The following C10orf90 variants were observed in gnomAD, a reference collection of about 807,000 sequenced individuals.
C10orf90 encodes chromosome 10 open reading frame 90, also known as (E2-independent) E3 ubiquitin-conjugating enzyme FATS.
C10orf90 carries 56 observed loss-of-function variants against 62.5 expected under a neutral mutation model. The ratio of observed to expected loss-of-function variants is 0.90; its 90% CI spans 0.72 to 1.12. The LOEUF is 1.12. Ranked by LOEUF, C10orf90 falls within the 50% of genes most tolerant of loss-of-function variation. The pLI is 0.00. For synonymous variants in C10orf90, 386 were observed against 340.4 expected (o/e 1.13, Z -1.47); for missense variants, 970 against 880.4 (o/e 1.10, Z -1.29).
chr10:126,586,880 T>A (rs1454223160), intron 2 of C10orf90, among the ~76,000 whole-genome samples: 4 of 152,094 alleles, frequency 2.6e-5, no homozygotes, highest in Non-Finnish European at 5.9e-5. Flanking sequence ...GGGATCTGAC[T>A]CAGTGGATGA....
At chr10:126,577,250 C>T (rs779534341) in intron 2 of C10orf90, among the ~76,000 whole-genome samples, 31 of 151,528 alleles carry the variant, frequency 2.0e-4, no homozygotes, top group Non-Finnish European at 3.5e-4. Flanking sequence ...TTACTATGTA[C>T]CCCATGAATA....
chr10:126,504,760 AC>A lies in C10orf90; in HGVS notation c.730del (p.Val244TrpfsTer61). The A allele has an allele frequency of 6.3e-7, 1 of 1,588,884 alleles. No individual in the cohort carries two copies. Among genetic ancestry groups the A allele is most frequent in the Non-Finnish European group, 8.6e-7 (1 of 1,167,134 alleles). On this transcript the variant is annotated frameshift_variant, in exon 4 of 10. Transcript: ENST00000488181. LOFTEE classifies it high-confidence loss of function. The surrounding 1 kb of genome is among the most constrained non-coding windows in gnomAD (Gnocchi z 4.1). ...CACCAGGGCGCGGGCTGGGGGGCCC[AC>A]GCGTCTGGCCGTGATGGTGATGGAT... is the stretch of plus-strand genomic sequence containing the variant. ...FASITITARR[V>X]GPPARALVWG...
intron 2 of C10orf90, among the ~76,000 whole-genome samples, chr10:126,580,154 G>T (rs1844716249): frequency 6.6e-6 from 1 of 152,152 alleles, no homozygotes; most frequent in Admixed American, 6.5e-5. Flanking sequence ...TAGTGAGAGG[G>T]GCATAGGGTC....
chr10:126,638,080 G>A (rs948581569), intron 2 of C10orf90, among the ~76,000 whole-genome samples: 2 of 152,304 alleles, frequency 1.3e-5, no homozygotes, highest in African/African-American at 2.4e-5. Context: ...CAGCGGTGTC[G>A]TTGCTGACAT....
chr10:126,571,833 C>A (rs893617664), intron 2 of C10orf90, among the ~76,000 whole-genome samples: 1 of 152,140 alleles, frequency 6.6e-6, no homozygotes, highest in Non-Finnish European at 1.5e-5. Flanking sequence ...CCACTGGCTA[C>A]CAAACCTCAA....
In C10orf90 at chr10:126,453,336, C is replaced by G. The variant is rs916990504; in HGVS notation, c.2188+5704G>C. 6.6e-6 allele frequency among the ~76,000 whole-genome samples: 1 copy of G among 152,164 alleles called. No individual in the cohort carries two copies. The highest frequency in any genetic ancestry group is 2.4e-5 in the African/African-American group (1 of 41,438). On this transcript the variant is annotated intron_variant, in intron 7 of 9. Coordinates refer to ENST00000488181, the MANE Select transcript of C10orf90 (RefSeq NM_001350921.2). The surrounding 1 kb of genome is among the most constrained non-coding windows in gnomAD (Gnocchi z 4.9). Reference sequence around the variant, plus strand: ...TAGAAGGTTTTCCAACACAACCACACAACCTTAAGCCAAAGTGAAGAAGGG... The same window carrying G: ...TAGAAGGTTTTCCAACACAACCACAGAACCTTAAGCCAAAGTGAAGAAGGG...
chr10:126,461,661 C>A, intron 5 of C10orf90, 76 bp from the exon 6 acceptor site: 1 of 1,395,344 alleles, frequency 7.2e-7, no homozygotes, highest in Non-Finnish European at 9.8e-7. Flanking sequence ...CCATTAGACA[C>A]AGAAGACAAT....
intron 2 of C10orf90, among the ~76,000 whole-genome samples, chr10:126,601,619 C>T (rs1009102889): frequency 1.3e-5 from 2 of 152,198 alleles, no homozygotes; most frequent in African/African-American, 2.4e-5. Flanking sequence ...ATTGATACAG[C>T]TTTTTAAATA....
chr10:126,638,253 G>A (rs1845992262), intron 2 of C10orf90, among the ~76,000 whole-genome samples: 1 of 152,100 alleles, frequency 6.6e-6, no homozygotes, highest in Non-Finnish European at 1.5e-5. Context: ...GGGACCTCAG[G>A]AGCTCTGGAT....
At chr10:126,602,440 G>T (rs1400501381) in intron 2 of C10orf90, among the ~76,000 whole-genome samples, 6 of 152,176 alleles carry the variant, frequency 3.9e-5, no homozygotes, top group African/African-American at 9.7e-5. Flanking sequence ...AACCCTCCAA[G>T]ATGACCTAGG....
intron 4 of C10orf90, among the ~76,000 whole-genome samples, chr10:126,491,453 T>C (rs1861768917): frequency 6.6e-6 from 1 of 152,002 alleles, no homozygotes; most frequent in Admixed American, 6.5e-5. Context: ...AAATAGCCAA[T>C]GTAAAAGGAA....
chr10:126,507,493 T>G (rs958051748), intron 3 of C10orf90, among the ~76,000 whole-genome samples: 3 of 149,062 alleles, frequency 2.0e-5, no homozygotes, highest in African/African-American at 7.5e-5. Context: ...CCATGGCTAC[T>G]TTTTTCCAAA....
At chr10:126,562,382 C>T (rs916761084) in intron 2 of C10orf90, among the ~76,000 whole-genome samples, 4 of 152,214 alleles carry the variant, frequency 2.6e-5, no homozygotes, top group Non-Finnish European at 5.9e-5. Flanking sequence ...CTTCTTCCCT[C>T]ACCAAGACGA....
Position 126,504,322 on chromosome 10 carries a change from T to C in C10orf90, c.1169A>G (p.Asn390Ser), listed in dbSNP as rs1170718327. 1 of 1,614,126 alleles carries C rather than the reference T, an allele frequency of 6.2e-7. No homozygotes were observed. Among genetic ancestry groups the C allele is most frequent in the East Asian group, 2.2e-5 (1 of 44,870 alleles). Reference protein sequence around the residue: ...PKMHRSVLSLNLNCSSHRLTA... With the variant: ...PKMHRSVLSLSLNCSSHRLTA... The stretch of plus-strand genomic sequence containing the variant: ...TAATCTGTGGGAACTACAATTGAGG[T>C]TGAGCGACAGGACGGATCTGTGCAT... Residue 390 changes from asparagine (N) to serine (S), a missense_variant, in exon 4 of 10, where the codon AAC (asparagine) becomes AGC (serine). Transcript: ENST00000488181. This position sits in a 1 kb window ranked among gnomAD's most constrained non-coding sequence, Gnocchi z 4.1.
At position 126,504,651 on chromosome 10, in the gene C10orf90, G is replaced by A; in HGVS notation, c.840C>T (p.Gly280=). Residue 280 remains glycine (G), a synonymous_variant, in exon 4 of 10, where the codon GGC becomes GGT. Coordinates refer to ENST00000488181, the MANE Select transcript of C10orf90 (RefSeq NM_001350921.2). This position sits in a 1 kb window ranked among gnomAD's most constrained non-coding sequence, Gnocchi z 4.1. ...LFQAPPALAN[G]AHPGRHQRSF... is the part of the protein sequence containing the mutation. ...ATCTCTGATGCCGACCTGGATGGGC[G>A]CCATTGGCCAGAGCCGGGGGCGCCT... 4 of 1,614,224 alleles carry A rather than the reference G, an allele frequency of 2.5e-6. No individual in the cohort carries two copies. The South Asian group carries it at 3.3e-5, about 13-fold the overall frequency.
At position 126,667,184 on chromosome 10, in the gene C10orf90, G is replaced by A. The variant is rs190004952; in HGVS notation, c.240+3057C>T. ...TGCCATTCTCCTGCCTCAGCCTCCCGAGTAGCTGGGACTACAGGCACCTGC... is the reference window on the plus strand; with the variant it reads ...TGCCATTCTCCTGCCTCAGCCTCCCAAGTAGCTGGGACTACAGGCACCTGC... On this transcript the variant is annotated intron_variant, in intron 1 of 9. Transcript: ENST00000488181. Among the ~76,000 whole-genome samples, 7 of 151,414 alleles carry A rather than the reference G, an allele frequency of 4.6e-5. No homozygotes were observed. In the East Asian group the frequency reaches 8.1e-4, roughly 18 times the overall value.
intron 1 of C10orf90, among the ~76,000 whole-genome samples, chr10:126,670,034 C>T (rs921384070): frequency 6.6e-6 from 1 of 152,080 alleles, no homozygotes; most frequent in African/African-American, 2.4e-5. Flanking sequence ...TAACTTCATC[C>T]GATATACTTT....
chr10:126,515,375 G>A (rs560160178), intron 2 of C10orf90, among the ~76,000 whole-genome samples: 286 of 152,260 alleles, frequency 1.9e-3, no homozygotes, highest in African/African-American at 6.6e-3. Flanking sequence ...CTCCATTCAC[G>A]GGAATTGTCC....
intron 2 of C10orf90, among the ~76,000 whole-genome samples, chr10:126,532,860 G>GAAAAAAAAAAAAA (rs1864138275): frequency 5.0e-5 from 1 of 19,966 alleles, no homozygotes; most frequent in Non-Finnish European, 1.5e-4. Context: ...AAAAAAAATA[G>GAAAAAAAAAAAAA]TGAGCACAAA....
Sources: allele counts gnomAD v4.1 joint callset (sites outside exome capture counted in the v4.1 genomes callset), GRCh38; gene constraint gnomAD v4.1.1; non-coding constraint Gnocchi (gnomAD v3.1); transcripts MANE v1.5; gene names NCBI Gene and HGNC (gene_info 2026-07-23, HGNC 2026-07-21).